Variants in SDC2 observed in about 807,000 individuals in gnomAD.
SDC2 encodes the protein syndecan-2.
Under a neutral mutation model 22.2 loss-of-function variants are expected in SDC2, and 13 were observed. The observed-to-expected ratio is 0.59, with a 90% CI of 0.38 to 0.93. The LOEUF (loss-of-function observed/expected upper bound fraction) is 0.93, where lower values mean the gene tolerates loss of function less well. Among genes scored for constraint, SDC2 ranks in the 40% least tolerant of loss-of-function variants. The pLI, the probability that SDC2 is intolerant of heterozygous loss-of-function variation, is 0.00. For synonymous variants in SDC2, 94 were observed against 92.8 expected (o/e 1.01, Z -0.07); for missense variants, 235 against 246.8 (o/e 0.95, Z 0.32).
intron 2 of SDC2, among the ~76,000 whole-genome samples, chr8:96,596,751 G>A (rs546397854): frequency 1.3e-5 from 2 of 152,192 alleles, no homozygotes; most frequent in Admixed American, 1.3e-4. Context: ...AAAGAATTGG[G>A]CATGAACTCA....
At chr8:96,604,656 T>G (rs1247402111) in intron 3 of SDC2, among the ~76,000 whole-genome samples, 1 of 152,196 alleles carries the variant, frequency 6.6e-6, no homozygotes, top group Non-Finnish European at 1.5e-5. Context: ...CTATCTAGTT[T>G]GTTGTAAATT....
chr8:96,539,809 C>T (rs570164167), intron 1 of SDC2, among the ~76,000 whole-genome samples: 1 of 152,268 alleles, frequency 6.6e-6, no homozygotes, highest in Non-Finnish European at 1.5e-5. Flanking sequence ...CATTCCCCTA[C>T]CCAGGTTTTC....
chr8:96,583,665 T>C (rs1437205989), intron 1 of SDC2, among the ~76,000 whole-genome samples: 1 of 147,888 alleles, frequency 6.8e-6, no homozygotes, highest in African/African-American at 2.5e-5. Context: ...TGGCCAAATA[T>C]ATATATGTAT....
At chr8:96,541,682 A>G (rs1294763929) in intron 1 of SDC2, among the ~76,000 whole-genome samples, 4 of 96,988 alleles carry the variant, frequency 4.1e-5, no homozygotes, top group Non-Finnish European at 1.1e-4. Context: ...GGCGGCTGCC[A>G]GGGGCTGAGG....
intron 1 of SDC2, among the ~76,000 whole-genome samples, chr8:96,506,390 T>C (rs2130431294): frequency 1.3e-5 from 2 of 152,250 alleles, no homozygotes; most frequent in Middle Eastern, 3.4e-3. Context: ...TTTGTATATA[T>C]CATATGTAAT....
rs573333016 is a variant in SDC2, at chr8:96,508,514, T to G, written c.60+14183T>G. Among the ~76,000 whole-genome samples, 108 of 96,590 alleles carry G rather than the reference T, an allele frequency of 1.1e-3. 4 individuals are homozygous for G. Among genetic ancestry groups the G allele is most frequent in the African/African-American group, 3.3e-3 (105 of 31,478 alleles). 63.4% of individuals were successfully genotyped at this position (96,590 alleles called of 152,430 possible). On this transcript the variant is annotated intron_variant, in intron 1 of 4. Transcript: ENST00000302190. Reference sequence around the variant, plus strand: ...TCTCAAAAAAAAGAAAAAAAAAGATTATTGGTTTATAAATTTTATCATAAC... The same window carrying G: ...TCTCAAAAAAAAGAAAAAAAAAGATGATTGGTTTATAAATTTTATCATAAC...
chr8:96,586,124 C>T (rs779990140), intron 1 of SDC2, among the ~76,000 whole-genome samples: 14 of 152,184 alleles, frequency 9.2e-5, no homozygotes, highest in Non-Finnish European at 5.9e-5. Flanking sequence ...TGGAGGCCTT[C>T]TTCATGAGCC....
chr8:96,588,868 T>C (rs776969884), intron 1 of SDC2, among the ~76,000 whole-genome samples: 3 of 152,238 alleles, frequency 2.0e-5, no homozygotes, highest in Non-Finnish European at 2.9e-5. Flanking sequence ...AAACAAGGCT[T>C]TGAATTTCTA....
chr8:96,570,801 AT>A (rs1814381014), intron 1 of SDC2, among the ~76,000 whole-genome samples: 1 of 152,236 alleles, frequency 6.6e-6, no homozygotes, highest in Non-Finnish European at 1.5e-5. Context: ...ATTAAAATGA[AT>A]GCTAAGTGAA....
chr8:96,544,560 C>G (rs1309028224), intron 1 of SDC2, among the ~76,000 whole-genome samples: 1 of 152,176 alleles, frequency 6.6e-6, no homozygotes, highest in Non-Finnish European at 1.5e-5. Context: ...AATTTCTCTT[C>G]TGGCCCTTAT....
At chr8:96,584,670 A>G (rs370985811) in intron 1 of SDC2, among the ~76,000 whole-genome samples, 28 of 152,196 alleles carry the variant, frequency 1.8e-4, no homozygotes, top group African/African-American at 6.5e-4. Flanking sequence ...TCTAGTCTAA[A>G]CTGTGGTCAT....
intron 1 of SDC2, among the ~76,000 whole-genome samples, chr8:96,523,941 G>T (rs1056988520): frequency 6.6e-6 from 1 of 152,188 alleles, no homozygotes; most frequent in Non-Finnish European, 1.5e-5. Flanking sequence ...GACACTCAGG[G>T]TGGCCACAAT....
chr8:96,607,444 C>T (rs183619574), intron 3 of SDC2, among the ~76,000 whole-genome samples: 40 of 152,096 alleles, frequency 2.6e-4, no homozygotes, highest in African/African-American at 8.2e-4. Context: ...GAAAATGTGC[C>T]GTAATAGATA....
chr8:96,524,362 C>T (rs1450526305), intron 1 of SDC2, among the ~76,000 whole-genome samples: 5 of 152,182 alleles, frequency 3.3e-5, no homozygotes, highest in African/African-American at 4.8e-5. Flanking sequence ...GCTGTCTGTG[C>T]AGCTCCGATC....
At chr8:96,603,828 C>T (rs933935912) in intron 3 of SDC2, among the ~76,000 whole-genome samples, 1 of 152,164 alleles carries the variant, frequency 6.6e-6, no homozygotes, top group Non-Finnish European at 1.5e-5. Context: ...TGGTAGACTT[C>T]ACAAGCCAGG....
intron 1 of SDC2, among the ~76,000 whole-genome samples, chr8:96,518,616 CA>C (rs1813446865): frequency 6.6e-6 from 1 of 152,146 alleles, no homozygotes; most frequent in Non-Finnish European, 1.5e-5. Context: ...CTCGGCCTCC[CA>C]AAGTGGTGGG....
intron 1 of SDC2, among the ~76,000 whole-genome samples, chr8:96,572,428 C>T (rs952952167): frequency 6.6e-6 from 1 of 152,010 alleles, no homozygotes; most frequent in Non-Finnish European, 1.5e-5. Flanking sequence ...CATTTGAACT[C>T]CCCAGTCAAA....
At chr8:96,506,808 C>A (rs1813247307) in intron 1 of SDC2, among the ~76,000 whole-genome samples, 1 of 151,828 alleles carries the variant, frequency 6.6e-6, no homozygotes, top group Non-Finnish European at 1.5e-5. Context: ...TCAGGAGATC[C>A]AGACCATCCT....
chr8:96,515,719 A>G (rs1813391174), intron 1 of SDC2, among the ~76,000 whole-genome samples: 1 of 152,226 alleles, frequency 6.6e-6, no homozygotes, highest in Non-Finnish European at 1.5e-5. Flanking sequence ...AATATACTCC[A>G]AAAAGATCAT....
Sources: allele counts gnomAD v4.1 joint callset (sites outside exome capture counted in the v4.1 genomes callset), GRCh38; gene constraint gnomAD v4.1.1; transcripts MANE v1.5; gene names NCBI Gene and HGNC (gene_info 2026-07-23, HGNC 2026-07-21).